Variants in TSNARE1 observed in about 807,000 individuals in gnomAD.
TSNARE1 encodes t-SNARE domain-containing protein 1.
TSNARE1 carries 49 observed loss-of-function variants against 62.0 expected under a neutral mutation model. The ratio of observed to expected loss-of-function variants is 0.79; its 90% confidence interval spans 0.63 to 1.00. TSNARE1 has a LOEUF of 1.00. Among genes scored for constraint, TSNARE1 ranks in the 50% least tolerant of loss-of-function variants. TSNARE1 has a pLI of 0.00. For synonymous variants in TSNARE1, 328 were observed against 294.4 expected (o/e 1.11, Z -1.17); for missense variants, 755 against 700.1 (o/e 1.08, Z -0.88).
chr8:142,367,280 A>C (rs1376097097), intron 1 of TSNARE1, among the ~76,000 whole-genome samples: 1 of 152,254 alleles, frequency 6.6e-6, no homozygotes, highest in Admixed American at 6.5e-5. Context: ...TTCATCTAAG[A>C]AAACAAAGAC....
At chr8:142,398,761 G>A (rs1243101555) in intron 1 of TSNARE1, among the ~76,000 whole-genome samples, 1 of 152,206 alleles carries the variant, frequency 6.6e-6, no homozygotes, top group East Asian at 1.9e-4. Context: ...AGGGGCTGGG[G>A]ACTTGCCAAT....
At position 142,248,692 on chromosome 8, in the gene TSNARE1, G is replaced by A. The variant is rs965839686; in HGVS notation, c.1447-19113C>T. ...TCTGGGTCTGGTTTACGGAGGTGGA[G>A]CTACTGAGAAGCCCGGAGGGAGGGG... is the stretch of plus-strand genomic sequence containing the variant. On this transcript the variant is annotated intron_variant, in intron 12 of 13. Coordinates refer to ENST00000524325, the MANE Select transcript of TSNARE1 (RefSeq NM_145003.5). Among the ~76,000 whole-genome samples, 6 of 152,290 alleles carry A rather than the reference G, an allele frequency of 3.9e-5. No individual in the cohort carries two copies. The South Asian group carries it at 6.2e-4, about 16-fold the overall frequency.
chr8:142,269,344 C>G, intron 12 of TSNARE1: 1 of 757,534 alleles, frequency 1.3e-6, no homozygotes. Flanking sequence ...GCTCAATGTG[C>G]AACTGCAGTC....
At chr8:142,273,113 G>A in intron 12 of TSNARE1, 1 of 985,452 alleles carries the variant, frequency 1.0e-6, no homozygotes, top group Non-Finnish European at 1.2e-6. Context: ...GAGCCCACAG[G>A]CTCACTGGGA....
chr8:142,244,164 C>T (rs1373458876), intron 12 of TSNARE1, among the ~76,000 whole-genome samples: 1 of 152,092 alleles, frequency 6.6e-6, no homozygotes. Flanking sequence ...CTAGCCTGGG[C>T]GACAGAGCGA....
intron 11 of TSNARE1, among the ~76,000 whole-genome samples, chr8:142,283,041 A>C (rs1821913711): frequency 6.8e-6 from 1 of 147,394 alleles, no homozygotes; most frequent in Non-Finnish European, 1.5e-5. Flanking sequence ...CAATGAGCAG[A>C]GGCGGGACCA....
chr8:142,273,806 C>T, intron 12 of TSNARE1: 1 of 985,410 alleles, frequency 1.0e-6, no homozygotes, highest in African/African-American at 1.7e-5. Flanking sequence ...CTGCGGCCCC[C>T]TTTTCCTCTT....
At chr8:142,278,593 G>A (rs1361753670) in intron 11 of TSNARE1, 7 of 985,330 alleles carry the variant, frequency 7.1e-6, no homozygotes, top group African/African-American at 1.7e-5. Context: ...GCACGGAGGC[G>A]GCAGGAGGAA....
chr8:142,391,841 TG>T (rs1407829614), intron 1 of TSNARE1, among the ~76,000 whole-genome samples: 1 of 152,206 alleles, frequency 6.6e-6, no homozygotes, highest in African/African-American at 2.4e-5. Context: ...GTGTGGGATC[TG>T]GGCTGGTAGC....
At chr8:142,386,438 C>A (rs999524374) in intron 1 of TSNARE1, among the ~76,000 whole-genome samples, 1 of 152,038 alleles carries the variant, frequency 6.6e-6, no homozygotes, top group Admixed American at 6.6e-5. Context: ...AAATGGACCA[C>A]AGAGTAAAAG....
chr8:142,274,950 A>T (rs1820204765), intron 11 of TSNARE1, 87 bp from the exon 12 acceptor site: 5 of 1,404,760 alleles, frequency 3.6e-6, no homozygotes, highest in Non-Finnish European at 4.7e-6. Flanking sequence ...AAGCCCAGGG[A>T]GCCTGAGCCC....
chr8:142,286,924 C>T (rs142299382), intron 10 of TSNARE1, among the ~76,000 whole-genome samples: 1 of 152,356 alleles, frequency 6.6e-6, no homozygotes, highest in Non-Finnish European at 1.5e-5. Context: ...GAAGCATCTC[C>T]TCATGCGGCA....
chr8:142,334,121 C>T (rs1159535075), intron 4 of TSNARE1, among the ~76,000 whole-genome samples: 5 of 152,218 alleles, frequency 3.3e-5, no homozygotes, highest in African/African-American at 1.2e-4. Context: ...GAATTTTGGC[C>T]AAACAAAGCC....
intron 1 of TSNARE1, among the ~76,000 whole-genome samples, chr8:142,376,527 C>T (rs1165583592): frequency 6.6e-6 from 1 of 152,192 alleles, no homozygotes; most frequent in Non-Finnish European, 1.5e-5. Flanking sequence ...ACGTCAGCGG[C>T]CTGCAACCCA....
At chr8:142,239,205 C>T (rs1442726954) in intron 12 of TSNARE1, among the ~76,000 whole-genome samples, 1 of 152,230 alleles carries the variant, frequency 6.6e-6, no homozygotes, top group Non-Finnish European at 1.5e-5. Context: ...CACTGAGCCT[C>T]CGCTGCCATC....
intron 12 of TSNARE1, among the ~76,000 whole-genome samples, chr8:142,242,289 G>C (rs948729040): frequency 3.3e-5 from 5 of 152,254 alleles, no homozygotes; most frequent in Non-Finnish European, 7.3e-5. Context: ...ACTTACATGT[G>C]AGACCTAAAA....
intron 13 of TSNARE1, among the ~76,000 whole-genome samples, chr8:142,217,909 G>GTTCAGTGTGTGGCCAGGGTCAGGGCTCA (rs1205269000): frequency 1.4e-5 from 2 of 138,714 alleles, no homozygotes; most frequent in African/African-American, 5.6e-5. Context: ...CAGGATCAGG[G>GTTCAGTGTGTGGCCAGGGTCAGGGCTCA]CTCAGAGTGT....
intron 10 of TSNARE1, among the ~76,000 whole-genome samples, chr8:142,290,069 C>T (rs989704734): frequency 6.6e-6 from 1 of 152,220 alleles, no homozygotes; most frequent in Non-Finnish European, 1.5e-5. Flanking sequence ...AAGCTCGGGG[C>T]AGGCGCAGCT....
intron 1 of TSNARE1, among the ~76,000 whole-genome samples, chr8:142,360,187 A>G (rs1309541082): frequency 1.3e-5 from 2 of 152,166 alleles, no homozygotes; most frequent in Admixed American, 6.5e-5. Context: ...GGGGCTGCAC[A>G]TGGGCAGGGG....
Sources: allele counts gnomAD v4.1 joint callset (sites outside exome capture counted in the v4.1 genomes callset), GRCh38; gene constraint gnomAD v4.1.1; transcripts MANE v1.5; gene names NCBI Gene and HGNC (gene_info 2026-07-23, HGNC 2026-07-21).